ZNF787: variants seen among roughly 807,000 people sequenced by gnomAD.
ZNF787 encodes TTF-I-interacting peptide 20.
In ZNF787, 7 loss-of-function variants were observed where a neutral mutation model predicts 16.9. The ratio of observed to expected loss-of-function variants is 0.42; its 90% CI spans 0.24 to 0.78. ZNF787 has a LOEUF of 0.78. Ranked by LOEUF, ZNF787 falls within the 30% of genes least tolerant of loss-of-function variation. ZNF787 has a pLI of 0.30. For missense variants in ZNF787, 551 were observed against 589.3 expected (o/e 0.94, Z 0.67); for synonymous variants, 345 against 270.9 (o/e 1.27, Z -2.69).
chr19:56,107,558 A>C (rs1568532252), intron 1 of ZNF787, among the ~76,000 whole-genome samples: 1 of 152,028 alleles, frequency 6.6e-6, no homozygotes, highest in Non-Finnish European at 1.5e-5. Context: ...ACACGGGGTC[A>C]CAGGGAGGGA....
intron 2 of ZNF787, among the ~76,000 whole-genome samples, chr19:56,099,579 C>T (rs1042475328): frequency 9.2e-4 from 140 of 152,036 alleles, no homozygotes; most frequent in African/African-American, 3.3e-3. Flanking sequence ...GGCATGGTGG[C>T]GGGTGCCTGT....
At chr19:56,095,283 C>T (rs556768309) in intron 2 of ZNF787, among the ~76,000 whole-genome samples, 11 of 152,336 alleles carry the variant, frequency 7.2e-5, no homozygotes, top group Admixed American at 3.3e-4. Flanking sequence ...TCCTAACAGG[C>T]CACGGAGCAG....
In ZNF787 at chr19:56,087,952, C is replaced by T. The variant is rs903978734; in HGVS notation, c.*71G>A. 5.4e-6 allele frequency: 7 copies of T among 1,295,712 alleles called. No homozygotes were observed. The highest frequency in any genetic ancestry group is 4.3e-5 in the Admixed American group (1 of 23,046). 80.3% of individuals were successfully genotyped at this position (1,295,712 alleles called of 1,614,324 possible). Reference sequence around the variant, plus strand: ...ACCCCGTCCGCTTCTCCCTGGGTCTCTTGGTCTTGCACGTCGTCGCTCCCG... The same window carrying T: ...ACCCCGTCCGCTTCTCCCTGGGTCTTTTGGTCTTGCACGTCGTCGCTCCCG... On this transcript the variant is annotated 3_prime_UTR_variant, in exon 3 of 3. Transcript: ENST00000610935.
At chr19:56,112,234 G>C (rs1405706281) in intron 1 of ZNF787, among the ~76,000 whole-genome samples, 1 of 152,086 alleles carries the variant, frequency 6.6e-6, no homozygotes, top group Non-Finnish European at 1.5e-5. Context: ...GAAAACCCTG[G>C]GCTATTCAAG....
chr19:56,088,014 GCCCCTCCCCTACCGGC>G lies in ZNF787; in HGVS notation c.1142_*8del. 2.0e-6 allele frequency: 2 copies of G among 1,001,640 alleles called. No individual in the cohort carries two copies. The highest frequency in any genetic ancestry group is 2.4e-6 in the Non-Finnish European group (2 of 850,010). The allele number at this position is 1,001,640 out of a possible 1,614,324, so 62.0% of individuals were successfully genotyped here. A position where few individuals can be genotyped will look rare whatever the true frequency, so the allele number is the denominator to read the frequency against. On this transcript the variant is annotated stop_lost and 3_prime_UTR_variant, in exon 3 of 3. Coordinates refer to ENST00000610935, the MANE Select transcript of ZNF787 (RefSeq NM_001002836.4). The surrounding 1 kb of genome is among the most constrained non-coding windows in gnomAD (Gnocchi z 8.6). ...GGGCCCTGCCCGCCCCCCCCCCCGG[GCCCCTCCCCTACCGGC>G]CCTCCCCACCGCGGCACTCGGGGCA... is the stretch of plus-strand genomic sequence containing the variant.
intron 2 of ZNF787, among the ~76,000 whole-genome samples, chr19:56,091,290 C>A (rs537428912): frequency 1.7e-4 from 26 of 152,244 alleles, no homozygotes; most frequent in African/African-American, 6.0e-4. Context: ...GCTTTGTTTT[C>A]GAAGCTGTGA....
chr19:56,111,707 A>G (rs542114604), intron 1 of ZNF787, among the ~76,000 whole-genome samples: 14 of 152,074 alleles, frequency 9.2e-5, no homozygotes, highest in Admixed American at 3.9e-4. Context: ...CTGCATCCCA[A>G]CTTCCTCTCC....
chr19:56,096,443 G>C (rs1985877660), intron 2 of ZNF787, among the ~76,000 whole-genome samples: 1 of 151,166 alleles, frequency 6.6e-6, no homozygotes, highest in South Asian at 2.1e-4. Context: ...AGATAGGCTG[G>C]GCCGCTCATG....
At chr19:56,095,697 T>C (rs901845399) in intron 2 of ZNF787, among the ~76,000 whole-genome samples, 4 of 152,258 alleles carry the variant, frequency 2.6e-5, no homozygotes, top group African/African-American at 9.6e-5. Context: ...CTTTACCTGG[T>C]TGCTTAGAGA....
rs116771488 is a variant in ZNF787 at position 56,118,068 on chromosome 19, G to C, written c.-11+3104C>G. ...GCCAGGTCCCTTGCAGGAACAGACA[G>C]GCCTGGGGCCGCCCCACCTGGGCTC... On this transcript the variant is annotated intron_variant, in intron 1 of 2. Coordinates refer to ENST00000610935, the MANE Select transcript of ZNF787 (RefSeq NM_001002836.4). 3.5e-3 allele frequency among the ~76,000 whole-genome samples: 533 copies of C among 152,368 alleles called. 3 individuals carry two copies. The highest frequency in any genetic ancestry group is 0.012 in the African/African-American group (513 of 41,586).
Position 56,101,296 on chromosome 19 carries a change from A to G in ZNF787, c.79+1843T>C, listed in dbSNP as rs554834586. On this transcript the variant is annotated intron_variant, in intron 2 of 2. Transcript: ENST00000610935. ...ACCAGAGCAGCTTGGGAGCGTGCGC[A>G]GCCCATCTTTGACAGCCGAGCAAGG... Among the ~76,000 whole-genome samples the G allele has an allele frequency of 2.0e-5, 3 of 152,394 alleles. No individual in the cohort carries two copies. The South Asian group carries it at 6.2e-4, about 32-fold the overall frequency.
intron 1 of ZNF787, among the ~76,000 whole-genome samples, chr19:56,110,054 T>C (rs1356225005): frequency 6.6e-6 from 1 of 152,024 alleles, no homozygotes; most frequent in Non-Finnish European, 1.5e-5. Flanking sequence ...AACCAGTGAA[T>C]TGTACATTTT....
At chr19:56,102,767 G>A in intron 2 of ZNF787, 1 of 611,316 alleles carries the variant, frequency 1.6e-6, no homozygotes, top group South Asian at 1.9e-5. Context: ...AGGGCCACAG[G>A]CCCGCCTGGA....
intron 2 of ZNF787, among the ~76,000 whole-genome samples, chr19:56,099,312 G>C (rs911578703): frequency 6.6e-6 from 1 of 152,322 alleles, no homozygotes; most frequent in East Asian, 1.9e-4. Flanking sequence ...GTGCCCCAGG[G>C]AGTGATCTCC....
intron 2 of ZNF787, chr19:56,102,547 A>G (rs1025245791): frequency 1.5e-5 from 5 of 333,528 alleles, no homozygotes; most frequent in African/African-American, 8.5e-5. Context: ...CTCAACCCCA[A>G]TAATGCTTTA....
rs1189337201 is a variant in ZNF787 at position 56,088,140 on chromosome 19, G to A, written c.1032C>T (p.Pro344=). 3.9e-6 allele frequency: 6 copies of A among 1,553,850 alleles called. No homozygotes were observed. The highest frequency in any genetic ancestry group is 1.8e-5 in the Admixed American group (1 of 54,878). ...RHKKIHAVGA[P]SVCSSCGQSY... is the part of the protein sequence containing the mutation. ...TCTGTCCGCAGCTGCTGCAGACCGA[G>A]GGCGCGCCCACCGCGTGGATCTTCT... is the stretch of plus-strand genomic sequence containing the variant. Residue 344 remains proline, a synonymous_variant, in exon 3 of 3, where the codon CCC becomes CCT. Transcript: ENST00000610935. This position sits in a 1 kb window ranked among gnomAD's most constrained non-coding sequence, Gnocchi z 8.6.
At position 56,087,774 on chromosome 19, in the gene ZNF787, G is replaced by C. The variant is rs1006116758; in HGVS notation, c.*249C>G. On this transcript the variant is annotated 3_prime_UTR_variant, in exon 3 of 3. Coordinates refer to ENST00000610935, the MANE Select transcript of ZNF787 (RefSeq NM_001002836.4). ...GTTCTCTCCATTGTCTCTCCGGCTCGCAGGCCGATAACTTAGGAAGGGCGG... is the reference window on the plus strand; with the variant it reads ...GTTCTCTCCATTGTCTCTCCGGCTCCCAGGCCGATAACTTAGGAAGGGCGG... 2.2e-5 allele frequency: 11 copies of C among 491,112 alleles called. No individual in the cohort carries two copies. Among genetic ancestry groups the C allele is most frequent in the Non-Finnish European group, 3.3e-5 (11 of 331,522 alleles). The allele number at this position is 491,112 out of a possible 1,614,324, so 30.4% of individuals were successfully genotyped here.
chr19:56,109,336 G>T, intron 1 of ZNF787, among the ~76,000 whole-genome samples: 1 of 152,024 alleles, frequency 6.6e-6, no homozygotes, highest in East Asian at 1.9e-4. Flanking sequence ...GATGCGAGAA[G>T]GGTGCTCTAG....
At position 56,088,376 on chromosome 19, in the gene ZNF787, C is replaced by A; in HGVS notation, c.796G>T (p.Ala266Ser). 9.0e-7 allele frequency: 1 copy of A among 1,110,922 alleles called. No homozygotes were observed. The highest frequency in any genetic ancestry group is 1.1e-6 in the Non-Finnish European group (1 of 910,648). 68.8% of individuals were successfully genotyped at this position (1,110,922 alleles called of 1,614,324 possible). The change falls in exon 3 of 3, where the codon GCC becomes TCC. Residue 266 changes from alanine (A) to serine (S), a missense_variant. Coordinates refer to ENST00000610935, the MANE Select transcript of ZNF787 (RefSeq NM_001002836.4). This position sits in a 1 kb window ranked among gnomAD's most constrained non-coding sequence, Gnocchi z 8.6. Reference protein sequence around the residue: ...AAAMAGAGAKAAGPRSRRAPA... With the variant: ...AAAMAGAGAKSAGPRSRRAPA... ...GCGCGCCGCGACCGGGGCCCCGCGGCCTTTGCCCCCGCGCCCGCCATGGCT... is the reference window on the plus strand; with the variant it reads ...GCGCGCCGCGACCGGGGCCCCGCGGACTTTGCCCCCGCGCCCGCCATGGCT...
Sources: gnomAD v4.1 joint callset for allele counts (sites outside exome capture counted in the v4.1 genomes callset) on GRCh38, gnomAD v4.1.1 for gene constraint, Gnocchi (gnomAD v3.1) non-coding constraint, MANE v1.5 for transcripts, NCBI Gene and HGNC (gene_info 2026-07-23, HGNC 2026-07-21) for gene names.